WWC2: variants seen among roughly 807,000 people sequenced by gnomAD.
WWC2 encodes protein WWC2.
In WWC2, 101 loss-of-function variants were observed where a neutral mutation model predicts 138.5. The ratio of observed to expected loss-of-function variants is 0.73; its 90% confidence interval spans 0.62 to 0.86. The LOEUF (loss-of-function observed/expected upper bound fraction) is 0.86. Among genes scored for constraint, WWC2 ranks in the 40% least tolerant of loss-of-function variants. The pLI, the probability that WWC2 is intolerant of heterozygous loss-of-function variation, is 0.00. For synonymous variants in WWC2, 558 were observed against 538.4 expected (o/e 1.04, Z -0.50); for missense variants, 1,420 against 1,419.4 (o/e 1.00, Z -0.01).
Position 183,269,161 on chromosome 4 carries a change from C to T in WWC2, c.2398C>T (p.Leu800=). The T allele has an allele frequency of 2.5e-6, 4 of 1,606,082 alleles. No homozygotes were observed. The highest frequency in any genetic ancestry group is 3.4e-6 in the Non-Finnish European group (4 of 1,177,476). ...SVSKHRREEC[L]AGTQISLADL... The stretch of plus-strand genomic sequence containing the variant: ...CAGTAAACACCGAAGGGAAGAATGC[C>T]TGGTAGGATTCTTCATAATTCCCAT... The change falls in exon 15 of 23, where the codon CTG becomes TTG. Residue 800 remains leucine, a splice_region_variant and synonymous_variant. Transcript: ENST00000403733.
chr4:183,107,144 CT>C (rs1226132746), intron 1 of WWC2, among the ~76,000 whole-genome samples: 1 of 151,986 alleles, frequency 6.6e-6, no homozygotes, highest in Non-Finnish European at 1.5e-5. Flanking sequence ...CTTCTCTTCT[CT>C]CTTTTCTTTT....
chr4:183,301,094 T>C (rs949613145), intron 21 of WWC2, among the ~76,000 whole-genome samples: 2 of 152,220 alleles, frequency 1.3e-5, no homozygotes, highest in Non-Finnish European at 2.9e-5. Context: ...GTGATTTTTT[T>C]TCTTATGGTA....
intron 16 of WWC2, among the ~76,000 whole-genome samples, chr4:183,280,077 C>T (rs961178474): frequency 1.3e-5 from 2 of 151,948 alleles, no homozygotes; most frequent in Non-Finnish European, 2.9e-5. Context: ...TGATATCTTC[C>T]TCCAGAGAGG....
intron 22 of WWC2, among the ~76,000 whole-genome samples, chr4:183,313,462 A>T (rs1049481059): frequency 2.0e-4 from 31 of 151,902 alleles, no homozygotes; most frequent in Admixed American, 1.6e-3. Context: ...AGCGCTCGAG[A>T]TGGAGAATGC....
In WWC2 at chr4:183,242,330, G is replaced by A. The variant is rs1036924469; in HGVS notation, c.602+2068G>A. On this transcript the variant is annotated intron_variant, in intron 5 of 22. Coordinates refer to ENST00000403733, the MANE Select transcript of WWC2 (RefSeq NM_024949.6). ...AAGATTTAAATAGAATCTGATTGTA[G>A]GCTTTGTAACTTTTATTTACAATAG... is the stretch of plus-strand genomic sequence containing the variant. 2.0e-5 allele frequency among the ~76,000 whole-genome samples: 3 copies of A among 152,136 alleles called. No homozygotes were observed. In the East Asian group the frequency reaches 5.8e-4, roughly 29 times the overall value.
intron 1 of WWC2, among the ~76,000 whole-genome samples, chr4:183,168,015 C>T (rs1734171654): frequency 6.6e-6 from 1 of 151,944 alleles, no homozygotes; most frequent in Non-Finnish European, 1.5e-5. Context: ...GCCACCATGC[C>T]AAGCCAATTT....
chr4:183,236,007 C>A (rs989339210), intron 4 of WWC2, among the ~76,000 whole-genome samples: 1 of 152,062 alleles, frequency 6.6e-6, no homozygotes, highest in Non-Finnish European at 1.5e-5. Flanking sequence ...TTGTTTTAAT[C>A]AACTGTTTTC....
chr4:183,164,344 TATA>T (rs1252192005), intron 1 of WWC2, among the ~76,000 whole-genome samples: 79 of 770 alleles, frequency 0.1, 10 homozygotes, highest in African/African-American at 0.15. Flanking sequence ...TATACATATA[TATA>T]TTATATATAC....
intron 1 of WWC2, among the ~76,000 whole-genome samples, chr4:183,117,067 G>A (rs1276168162): frequency 6.6e-6 from 1 of 152,012 alleles, no homozygotes; most frequent in Non-Finnish European, 1.5e-5. Context: ...CTAGGCTTCT[G>A]TGGAACCATC....
chr4:183,249,158 G>C (rs918508021), intron 7 of WWC2, among the ~76,000 whole-genome samples: 6 of 152,050 alleles, frequency 3.9e-5, no homozygotes, highest in African/African-American at 4.8e-5. Flanking sequence ...TTCCTATTAC[G>C]TTTAGAGTCT....
At chr4:183,254,063 T>C in intron 9 of WWC2, 64 bp downstream of exon 9, 1 of 1,557,540 alleles carries the variant, frequency 6.4e-7, no homozygotes, top group East Asian at 2.3e-5. Flanking sequence ...CTGGATACTA[T>C]TTTCCCTGGG....
In WWC2 at chr4:183,315,765, ACTTT is replaced by A. The variant is rs767314105; in HGVS notation, c.*40_*43del. The A allele has an allele frequency of 2.9e-5, 45 of 1,561,214 alleles. No individual in the cohort carries two copies. The highest frequency in any genetic ancestry group is 3.2e-5 in the Non-Finnish European group (37 of 1,138,952). On this transcript the variant is annotated 3_prime_UTR_variant, in exon 23 of 23. Coordinates refer to ENST00000403733, the MANE Select transcript of WWC2 (RefSeq NM_024949.6). ...TAAGAAATTATTTTTTCATCTGTTCACTTTCTTAGGGAGGGTAAAAGACTGAAGA... is the reference window on the plus strand; with the variant it reads ...TAAGAAATTATTTTTTCATCTGTTCACTTAGGGAGGGTAAAAGACTGAAGA...
intron 1 of WWC2, among the ~76,000 whole-genome samples, chr4:183,101,453 T>C (rs1255719227): frequency 6.6e-6 from 1 of 152,214 alleles, no homozygotes; most frequent in Non-Finnish European, 1.5e-5. Flanking sequence ...TTGACTAAGA[T>C]AGCTTTTTAT....
chr4:183,303,885 A>G (rs768187698), intron 21 of WWC2, among the ~76,000 whole-genome samples: 7 of 151,926 alleles, frequency 4.6e-5, no homozygotes, highest in Non-Finnish European at 7.4e-5. Context: ...CTCGAAATCT[A>G]GTATAGCCAC....
chr4:183,304,243 A>G (rs573343745), intron 21 of WWC2, among the ~76,000 whole-genome samples: 31 of 152,304 alleles, frequency 2.0e-4, no homozygotes, highest in African/African-American at 7.0e-4. Flanking sequence ...GTAAGAACCT[A>G]TGAGCAGTGA....
At chr4:183,292,371 G>C (rs754679622) in intron 21 of WWC2, among the ~76,000 whole-genome samples, 1 of 151,824 alleles carries the variant, frequency 6.6e-6, no homozygotes, top group Non-Finnish European at 1.5e-5. Flanking sequence ...TTAGCTGAGC[G>C]TGGTGGCACA....
intron 1 of WWC2, among the ~76,000 whole-genome samples, chr4:183,192,786 G>A (rs1735025524): frequency 6.6e-6 from 1 of 152,036 alleles, no homozygotes; most frequent in Non-Finnish European, 1.5e-5. Flanking sequence ...AGGCATCTGT[G>A]GTGTTAACCT....
At chr4:183,195,895 C>T (rs1299368153) in intron 2 of WWC2, among the ~76,000 whole-genome samples, 1 of 152,146 alleles carries the variant, frequency 6.6e-6, no homozygotes, top group African/African-American at 2.4e-5. Context: ...ATCTAAATCT[C>T]ATGCTGAAAT....
intron 12 of WWC2, 132 bp downstream of exon 12, chr4:183,265,239 T>C: frequency 7.9e-7 from 1 of 1,273,104 alleles, no homozygotes; most frequent in Non-Finnish European, 1.0e-6. Context: ...GTTAAAGAAG[T>C]GGTGTGCCTG....
Sources: gnomAD v4.1 joint callset for allele counts (sites outside exome capture counted in the v4.1 genomes callset) on GRCh38, gnomAD v4.1.1 for gene constraint, MANE v1.5 for transcripts, NCBI Gene and HGNC (gene_info 2026-07-23, HGNC 2026-07-21) for gene names.